DNAH11: variants seen among roughly 807,000 people sequenced by gnomAD.
DNAH11 encodes dynein axonemal heavy chain 11.
A neutral mutation model predicts 526.0 loss-of-function variants in DNAH11; 442 were observed. The ratio of observed to expected loss-of-function variants is 0.84; its 90% CI spans 0.78 to 0.91. The LOEUF (loss-of-function observed/expected upper bound fraction) is 0.91, where lower values mean the gene tolerates loss of function less well. Ranked by LOEUF, DNAH11 falls within the 40% of genes least tolerant of loss-of-function variation. The probability of loss-of-function intolerance (pLI) is 0.00; values close to 1 mark genes in which losing one functional copy is unlikely to be tolerated. For synonymous variants in DNAH11, 2,461 were observed against 1,935.9 expected, an observed-to-expected ratio of 1.27 and a Z score of -7.12; for missense variants, 6,989 against 5,448.7, an observed-to-expected ratio of 1.28 and a Z score of -8.90.
At chr7:21,814,352 T>TATTTTTTTA (rs11449857) in intron 63 of DNAH11, among the ~76,000 whole-genome samples, 5 of 149,118 alleles carry the variant, frequency 3.4e-5, no homozygotes, top group Admixed American at 6.7e-5. Flanking sequence ...TTTATTTATT[T>TATTTTTTTA]TTTTTTTATT....
chr7:21,604,574 C>G (rs920985374), intron 18 of DNAH11, among the ~76,000 whole-genome samples: 9 of 152,276 alleles, frequency 5.9e-5, no homozygotes, highest in African/African-American at 2.2e-4. Context: ...CCTGTTGAAA[C>G]CTAGTCATTT....
intron 25 of DNAH11, among the ~76,000 whole-genome samples, chr7:21,628,390 A>C (rs1786451226): frequency 6.6e-6 from 1 of 152,148 alleles, no homozygotes; most frequent in Non-Finnish European, 1.5e-5. Flanking sequence ...AAAGGCTATC[A>C]AATTTTCCCC....
chr7:21,591,170 G>A lies in DNAH11; in HGVS notation c.2275-15G>A. 6.6e-7 allele frequency: 1 copy of A among 1,521,808 alleles called. No homozygotes were observed. Among genetic ancestry groups the A allele is most frequent in the African/African-American group, 1.4e-5 (1 of 71,732 alleles). The allele number at this position is 1,521,808 out of a possible 1,614,324, so 94.3% of individuals were successfully genotyped here. ...CATATTTGGCACTTTTTGTTTTGGG[G>A]TTTTCTTTGCTCAGTACATTGGAAA... On this transcript the variant is annotated splice_polypyrimidine_tract_variant and intron_variant, in intron 13 of 81. Transcript: ENST00000409508.
In DNAH11 at chr7:21,561,114, C is replaced by T. The variant is rs1430611264; in HGVS notation, c.926C>T (p.Thr309Ile). Residue 309 changes from threonine to isoleucine, a missense_variant, in exon 5 of 82, where the codon ACT becomes ATT. By Grantham distance (89) the Thr-to-Ile change is moderately conservative. Coordinates refer to ENST00000409508, the MANE Select transcript of DNAH11 (RefSeq NM_001277115.2). ...CTCAAAATGGTTAAGATCCTGACAA[C>T]TAAACAAAGCAGCTATTTTCCTACT... ...VVLKMVKILTTKQSSYFPTLK... is the reference protein window; with the variant it reads ...VVLKMVKILTIKQSSYFPTLK... 3 of 1,605,112 alleles carry T rather than the reference C, an allele frequency of 1.9e-6. No individual in the cohort carries two copies. Among genetic ancestry groups the T allele is most frequent in the Non-Finnish European group, 2.6e-6 (3 of 1,175,676 alleles).
intron 8 of DNAH11, among the ~76,000 whole-genome samples, chr7:21,572,426 T>C (rs1212160605): frequency 6.6e-6 from 1 of 152,216 alleles, no homozygotes; most frequent in Non-Finnish European, 1.5e-5. Flanking sequence ...TGAGAGCTGA[T>C]TATAATTTCA....
At position 21,747,773 on chromosome 7, in the gene DNAH11, A is replaced by G. The variant is rs1786213512; in HGVS notation, c.8511-807A>G. Reference sequence around the variant, plus strand: ...AAGGAAGCAAGAATCACATTAAGAAACAAGTGCTTGATTTGCTGAGTAAAT... The same window carrying G: ...AAGGAAGCAAGAATCACATTAAGAAGCAAGTGCTTGATTTGCTGAGTAAAT... On this transcript the variant is annotated intron_variant, in intron 51 of 81. Coordinates refer to ENST00000409508, the MANE Select transcript of DNAH11 (RefSeq NM_001277115.2). 2.0e-5 allele frequency among the ~76,000 whole-genome samples: 3 copies of G among 152,220 alleles called. No individual in the cohort carries two copies. In the South Asian group the frequency reaches 6.2e-4, roughly 31 times the overall value.
At chr7:21,772,870 A>G (rs973762119) in intron 55 of DNAH11, among the ~76,000 whole-genome samples, 1 of 152,140 alleles carries the variant, frequency 6.6e-6, no homozygotes, top group African/African-American at 2.4e-5. Context: ...TGTAATATTA[A>G]TGGTGCAGGT....
At chr7:21,646,255 A>C (rs1178348509) in intron 28 of DNAH11, among the ~76,000 whole-genome samples, 1 of 152,204 alleles carries the variant, frequency 6.6e-6, no homozygotes, top group African/African-American at 2.4e-5. Context: ...AAGATGAAAT[A>C]ACAGGAACTG....
intron 61 of DNAH11, 118 bp from the exon 62 acceptor site, chr7:21,801,019 A>C: frequency 9.3e-7 from 1 of 1,076,308 alleles, no homozygotes; most frequent in Admixed American, 2.4e-5. Flanking sequence ...AAAGGGGCAA[A>C]GGTTAATGGG....
At chr7:21,851,706 T>C in intron 66 of DNAH11, 1 of 469,094 alleles carries the variant, frequency 2.1e-6, no homozygotes, top group South Asian at 1.6e-5. Flanking sequence ...ATTCAAGCTC[T>C]ACTTGCATGT....
At chr7:21,873,753 A>AAGCT (rs1432920495) in intron 74 of DNAH11, among the ~76,000 whole-genome samples, 2 of 149,164 alleles carry the variant, frequency 1.3e-5, no homozygotes, top group African/African-American at 4.9e-5. Context: ...TGTGTAGGGA[A>AAGCT]AGCTAACTAG....
chr7:21,736,420 G>A (rs1413904481), intron 46 of DNAH11, among the ~76,000 whole-genome samples: 3 of 152,100 alleles, frequency 2.0e-5, no homozygotes, highest in East Asian at 1.9e-4. Context: ...AGCTGATGTC[G>A]GAAGGCCAGT....
At chr7:21,886,587 A>T (rs1784131288) in intron 76 of DNAH11, among the ~76,000 whole-genome samples, 2 of 152,180 alleles carry the variant, frequency 1.3e-5, no homozygotes, top group Non-Finnish European at 2.9e-5. Context: ...GGGAAAGCTA[A>T]ACAGTGCCAG....
At chr7:21,603,541 A>G (rs1785172826) in intron 18 of DNAH11, among the ~76,000 whole-genome samples, 1 of 152,194 alleles carries the variant, frequency 6.6e-6, no homozygotes, top group African/African-American at 2.4e-5. Context: ...TGAGGATTAA[A>G]TGCAGCAGGG....
intron 25 of DNAH11, among the ~76,000 whole-genome samples, chr7:21,626,831 A>G (rs539816725): frequency 7.0e-6 from 1 of 143,862 alleles, no homozygotes; most frequent in South Asian, 2.2e-4. Flanking sequence ...GCTCACTGCA[A>G]GCTCTGCCTT....
At position 21,837,341 on chromosome 7, in the gene DNAH11, G is replaced by C. The variant is rs531607263; in HGVS notation, c.10692-5203G>C. Among the ~76,000 whole-genome samples the C allele has an allele frequency of 2.6e-5, 4 of 152,224 alleles. No individual in the cohort carries two copies. In the East Asian group the frequency reaches 7.7e-4, roughly 29 times the overall value. On this transcript the variant is annotated intron_variant, in intron 65 of 81. Transcript: ENST00000409508. ...AAGATCTGGAGTCAACCTATCAACA[G>C]TTGAATGCGTAATGAAAGTATGGTA... is the stretch of plus-strand genomic sequence containing the variant.
intron 42 of DNAH11, among the ~76,000 whole-genome samples, chr7:21,716,494 C>T (rs1346771627): frequency 6.6e-6 from 1 of 152,160 alleles, no homozygotes; most frequent in Admixed American, 6.5e-5. Context: ...CAAGGTAACA[C>T]ATTTAAAAAA....
chr7:21,568,126 G>A (rs1048116630), intron 6 of DNAH11, among the ~76,000 whole-genome samples: 2 of 152,180 alleles, frequency 1.3e-5, no homozygotes, highest in African/African-American at 2.4e-5. Context: ...GCAGGGAGAC[G>A]AGCCTCAAAC....
At chr7:21,658,195 T>G (rs932938368) in intron 29 of DNAH11, among the ~76,000 whole-genome samples, 2 of 152,122 alleles carry the variant, frequency 1.3e-5, no homozygotes, top group Non-Finnish European at 2.9e-5. Context: ...AAGTCAGCAG[T>G]TGTCCTATGT....
Sources: allele counts gnomAD v4.1 joint callset (sites outside exome capture counted in the v4.1 genomes callset), GRCh38; gene constraint gnomAD v4.1.1; transcripts MANE v1.5; gene names NCBI Gene and HGNC (gene_info 2026-07-23, HGNC 2026-07-21).